Variants in CCDC88B observed in about 807,000 individuals in gnomAD.
CCDC88B encodes coiled-coil domain-containing protein 88B.
CCDC88B carries 138 observed loss-of-function variants against 183.7 expected under a neutral mutation model. That is an observed-to-expected ratio of 0.75 (90% CI 0.65 to 0.87). The LOEUF is 0.87. Ranked by LOEUF, CCDC88B falls within the 40% of genes least tolerant of loss-of-function variation. The pLI is 0.00. For missense variants in CCDC88B, 1,822 were observed against 1,965.6 expected, an observed-to-expected ratio of 0.93 and a Z score of 1.38; for synonymous variants, 835 against 867.5, an observed-to-expected ratio of 0.96 and a Z score of 0.66.
rs747163384 is a variant in CCDC88B, at chr11:64,352,856, G to T, written c.3469G>T (p.Glu1157Ter). The T allele has an allele frequency of 1.9e-6, 3 of 1,608,338 alleles. No individual in the cohort carries two copies. In the South Asian group the frequency reaches 3.3e-5, roughly 18 times the overall value. ...DGHRQRGLEEELRRLQSEHDR... is the reference protein window; with the variant it reads ...DGHRQRGLEE Reference sequence around the variant, plus strand: ...GCATCGGCAGCGGGGCCTGGAGGAGGAGCTGCGGAGGCTTCAGAGCGAGCA... The same window carrying T: ...GCATCGGCAGCGGGGCCTGGAGGAGTAGCTGCGGAGGCTTCAGAGCGAGCA... The change falls in exon 20 of 27, where the codon GAG becomes TAG. Residue 1157 changes from glutamate (E) to a stop codon, truncating the protein, a stop_gained. Transcript: ENST00000356786. LOFTEE classifies it high-confidence loss of function.
chr11:64,348,440 G>A (rs1243412915), intron 14 of CCDC88B, among the ~76,000 whole-genome samples: 1 of 152,090 alleles, frequency 6.6e-6, no homozygotes, highest in African/African-American at 2.4e-5. Context: ...GGGCTGGGCG[G>A]GAGGTTCTAT....
Position 64,341,610 on chromosome 11 carries a change from G to A in CCDC88B, c.543G>A (p.Pro181=), listed in dbSNP as rs367964927. The change falls in exon 7 of 27, where the codon CCG becomes CCA. Residue 181 remains proline, a synonymous_variant. Transcript: ENST00000356786. ...LAAAIQEVTQ[P]GAGVVLALSG... ...TTCCTGCGCCCCAGGTGACCCAGCC[G>A]GGGGCCGGCGTGGTGCTGGCACTGT... 2 of 1,600,136 alleles carry A rather than the reference G, an allele frequency of 1.2e-6. No homozygotes were observed. The highest frequency in any genetic ancestry group is 1.3e-5 in the African/African-American group (1 of 74,814).
At chr11:64,348,479 G>A (rs1004430183) in intron 14 of CCDC88B, among the ~76,000 whole-genome samples, 32 of 152,302 alleles carry the variant, frequency 2.1e-4, no homozygotes, top group Non-Finnish European at 3.2e-4. Context: ...CAGTACTTGC[G>A]CTAGTGGCTG....
rs1449168908 is a variant in CCDC88B at position 64,343,170 on chromosome 11, T to C, written c.1063-9T>C. 7.9e-6 allele frequency: 12 copies of C among 1,522,436 alleles called. No homozygotes were observed. Among genetic ancestry groups the C allele is most frequent in the Admixed American group, 2.0e-5 (1 of 49,256 alleles). The allele number at this position is 1,522,436 out of a possible 1,614,324, so 94.3% of individuals were successfully genotyped here. A position where few individuals can be genotyped will look rare whatever the true frequency, so the allele number is the denominator to read the frequency against. On this transcript the variant is annotated splice_polypyrimidine_tract_variant and intron_variant, in intron 10 of 26. Coordinates refer to ENST00000356786, the MANE Select transcript of CCDC88B (RefSeq NM_032251.6). The stretch of plus-strand genomic sequence containing the variant: ...GCGTGGCTACCGGTTCTCCCTGCTC[T>C]CCCACCAGGAGGAGCGGGTGCTCTC...
At chr11:64,353,591 C>A in intron 22 of CCDC88B, 95 bp downstream of exon 22, 2 of 1,576,298 alleles carry the variant, frequency 1.3e-6, no homozygotes, top group Admixed American at 1.7e-5. Flanking sequence ...AGGGTTGGAG[C>A]TGACCTTCCA....
chr11:64,348,753 G>T, intron 14 of CCDC88B: 1 of 494,566 alleles, frequency 2.0e-6, no homozygotes, highest in Non-Finnish European at 3.6e-6. Context: ...CTCCCTCTGG[G>T]GCACACAGGC....
Position 64,342,561 on chromosome 11 carries a change from T to A in CCDC88B, c.943T>A (p.Tyr315Asn), listed in dbSNP as rs1473635132. The A allele has an allele frequency of 1.3e-6, 2 of 1,531,612 alleles. No homozygotes were observed. Among genetic ancestry groups the A allele is most frequent in the African/African-American group, 2.7e-5 (2 of 72,876 alleles). 94.9% of individuals were successfully genotyped at this position (1,531,612 alleles called of 1,614,324 possible). Residue 315 changes from tyrosine (Y) to asparagine (N), a missense_variant, in exon 10 of 27, where the codon TAC becomes AAC. Tyr to Asn is a moderately radical substitution (Grantham distance 143). Transcript: ENST00000356786. ...LSGQAKRAELYREEAEALRER... is the reference protein window; with the variant it reads ...LSGQAKRAELNREEAEALRER... ...GGGACAGGCCAAGCGGGCCGAGCTGTACCGCGAGGAGGCAGAGGCGCTGCG... is the reference window on the plus strand; with the variant it reads ...GGGACAGGCCAAGCGGGCCGAGCTGAACCGCGAGGAGGCAGAGGCGCTGCG...
At chr11:64,351,086 T>G in intron 16 of CCDC88B, 74 bp from the exon 17 acceptor site, 1 of 1,102,398 alleles carries the variant, frequency 9.1e-7, no homozygotes, top group Non-Finnish European at 1.2e-6. Context: ...GGCAGGTCCA[T>G]AAGCGCAGGT....
At chr11:64,347,422 A>G (rs916813836) in intron 14 of CCDC88B, among the ~76,000 whole-genome samples, 1 of 152,214 alleles carries the variant, frequency 6.6e-6, no homozygotes, top group Non-Finnish European at 1.5e-5. Context: ...CATCCTGCAC[A>G]GGCAGTTTCC....
rs2036009764 is a variant in CCDC88B at position 64,344,314 on chromosome 11, G to T, written c.1773G>T (p.Lys591Asn). The T allele has an allele frequency of 6.2e-7, 1 of 1,613,440 alleles. No individual in the cohort carries two copies. Among genetic ancestry groups the T allele is most frequent in the Non-Finnish European group, 8.5e-7 (1 of 1,179,928 alleles). Residue 591 changes from lysine to asparagine, a missense_variant, in exon 14 of 27, where the codon AAG becomes AAT. By Grantham distance (94) the Lys-to-Asn change is moderately conservative. Transcript: ENST00000356786. This position sits in a 1 kb window ranked among gnomAD's most constrained non-coding sequence, Gnocchi z 4.5. ...TGGAGACACAGGAGTCCCCGGAGAA[G>T]GCTGGCCGTAGATCCTCTCTCCAGA... ...SPVETQESPE[K>N]AGRRSSLQSP...
intron 14 of CCDC88B, among the ~76,000 whole-genome samples, chr11:64,346,583 G>A (rs143915151): frequency 0.014 from 2,057 of 151,968 alleles, 27 homozygotes; most frequent in Non-Finnish European, 0.018. Context: ...TGGGACTACA[G>A]GCACCCGCTC....
rs764318371 is a variant in CCDC88B at position 64,352,880 on chromosome 11, C to T, written c.3493C>T (p.His1165Tyr). The change falls in exon 20 of 27, where the codon CAC (histidine) becomes TAC (tyrosine). Residue 1165 changes from histidine to tyrosine, a missense_variant. Physicochemically the swap from His to Tyr is moderately conservative, Grantham distance 83 (BLOSUM62 2). Coordinates refer to ENST00000356786, the MANE Select transcript of CCDC88B (RefSeq NM_032251.6). ...GGAGCTGCGGAGGCTTCAGAGCGAG[C>T]ACGACAGGTGCCGCCCCTGCCACAG... ...EEELRRLQSEHDRAQMLLAEL... is the reference protein window; with the variant it reads ...EEELRRLQSEYDRAQMLLAEL... 1.9e-6 allele frequency: 3 copies of T among 1,590,332 alleles called. No individual in the cohort carries two copies. The highest frequency in any genetic ancestry group is 1.9e-4 in the Middle Eastern group (1 of 5,176).
Position 64,357,248 on chromosome 11 carries a change from C to T in CCDC88B, c.*154C>T, listed in dbSNP as rs746241592. 8 of 913,522 alleles carry T rather than the reference C, an allele frequency of 8.8e-6. No homozygotes were observed. The highest frequency in any genetic ancestry group is 2.7e-5 in the South Asian group (2 of 73,902). The allele number at this position is 913,522 out of a possible 1,614,324, so 56.6% of individuals were successfully genotyped here. On this transcript the variant is annotated 3_prime_UTR_variant, in exon 27 of 27. Coordinates refer to ENST00000356786, the MANE Select transcript of CCDC88B (RefSeq NM_032251.6). ...CCCTGAGATCCTCCACGGTCAGCGC[C>T]GGGGCCCGGAGATGGAGCTGGGACG...
intron 24 of CCDC88B, among the ~76,000 whole-genome samples, 175 bp downstream of exon 24, chr11:64,354,345 C>T (rs1024146639): frequency 3.3e-5 from 5 of 152,054 alleles, no homozygotes; most frequent in Admixed American, 1.3e-4. Context: ...TACAGGGTCA[C>T]CCTTGGCCCA....
chr11:64,352,769 G>A lies in CCDC88B; in HGVS notation c.3382G>A (p.Ala1128Thr), dbSNP rs2036390198. 2 of 1,613,442 alleles carry A rather than the reference G, an allele frequency of 1.2e-6. No individual in the cohort carries two copies. Among genetic ancestry groups the A allele is most frequent in the East Asian group, 2.2e-5 (1 of 44,900 alleles). The change falls in exon 20 of 27, where the codon GCC becomes ACC. Residue 1128 changes from alanine to threonine, a missense_variant. By Grantham distance (58) the Ala-to-Thr change is moderately conservative (BLOSUM62 0). Coordinates refer to ENST00000356786, the MANE Select transcript of CCDC88B (RefSeq NM_032251.6). ...GRHEQLQAQR[A>T]SVEAQEVALL... ...GCACGAGCAGCTGCAGGCCCAGCGG[G>A]CCAGCGTGGAGGCACAGGAGGTGGC...
chr11:64,344,183 C>T lies in CCDC88B; in HGVS notation c.1642C>T (p.Pro548Ser). Residue 548 changes from proline (P) to serine (S), a missense_variant, in exon 14 of 27, where the codon CCC (proline) becomes TCC (serine). Pro to Ser is a moderately conservative substitution (Grantham distance 74). Transcript: ENST00000356786. The surrounding 1 kb of genome is among the most constrained non-coding windows in gnomAD (Gnocchi z 4.5). ...AGTGCTCGAGGCATCAGCTGAGTGT[C>T]CCCAGGCACCTGATTCAGACCCACA... ...DSVLEASAEC[P>S]QAPDSDPQEA... The T allele has an allele frequency of 6.2e-7, 1 of 1,612,212 alleles. No homozygotes were observed. The highest frequency in any genetic ancestry group is 8.5e-7 in the Non-Finnish European group (1 of 1,179,328).
At chr11:64,353,623 G>A (rs1027214463) in intron 22 of CCDC88B, 92 bp from the exon 23 acceptor site, 9 of 1,578,396 alleles carry the variant, frequency 5.7e-6, no homozygotes, top group South Asian at 2.2e-5. Context: ...TCTGCGGCAC[G>A]GGACCAGTGC....
intron 4 of CCDC88B, 31 bp from the exon 5 acceptor site, chr11:64,341,239 C>G: frequency 6.2e-7 from 1 of 1,614,154 alleles, no homozygotes; most frequent in African/African-American, 1.3e-5. Flanking sequence ...TTCCCCGCCC[C>G]AGTTAACCCC....
chr11:64,353,975 G>C, intron 23 of CCDC88B, 29 bp from the exon 24 acceptor site: 2 of 1,527,016 alleles, frequency 1.3e-6, no homozygotes, highest in Non-Finnish European at 1.8e-6. Flanking sequence ...TCCCTGTCCT[G>C]ACCCCCTCTT....
Sources: allele counts gnomAD v4.1 joint callset (sites outside exome capture counted in the v4.1 genomes callset), GRCh38; gene constraint gnomAD v4.1.1; non-coding constraint Gnocchi (gnomAD v3.1); transcripts MANE v1.5; gene names NCBI Gene and HGNC (gene_info 2026-07-23, HGNC 2026-07-21).